OTOF: variants seen among roughly 807,000 people sequenced by gnomAD.
OTOF encodes the protein otoferlin, also known as fer-1-like family member 2.
Under a neutral mutation model 236.8 loss-of-function variants are expected in OTOF, and 218 were observed. The observed-to-expected ratio is 0.92, with a 90% CI of 0.82 to 1.03. The LOEUF (loss-of-function observed/expected upper bound fraction) is 1.03, where lower values mean the gene tolerates loss of function less well. Ranked by LOEUF, OTOF falls within the 50% of genes least tolerant of loss-of-function variation. The probability of loss-of-function intolerance (pLI) is 0.00; values close to 1 mark genes in which losing one functional copy is unlikely to be tolerated. For missense variants in OTOF, 2,590 were observed against 2,694.4 expected (o/e 0.96, Z 0.86); for synonymous variants, 1,041 against 1,072.5 (o/e 0.97, Z 0.57).
At chr2:26,545,571 T>C (rs997026663) in intron 1 of OTOF, among the ~76,000 whole-genome samples, 1 of 152,174 alleles carries the variant, frequency 6.6e-6, no homozygotes, top group Non-Finnish European at 1.5e-5. Context: ...TTTAGTGAAA[T>C]TTATTTCTTA....
rs200972155 is a variant in OTOF at position 26,558,540 on chromosome 2, G to A, written c.32C>T (p.Ser11Leu). The A allele has an allele frequency of 4.1e-5, 66 of 1,614,012 alleles. No homozygotes were observed. In the African/African-American group the frequency reaches 6.7e-4, roughly 16 times the overall value. The change falls in exon 1 of 47, where the codon TCG (serine) becomes TTG (leucine). Residue 11 changes from serine to leucine, a missense_variant. By Grantham distance (145) the Ser-to-Leu change is moderately radical. This residue lies in a region of OTOF where 1,379 missense variants were observed against 1,341.6 expected (regional missense o/e 1.03). Coordinates refer to ENST00000272371, the MANE Select transcript of OTOF (RefSeq NM_194248.3). MALLIHLKTV[S>L]ELRGRGDRIA... ...CCGGTCGCCCCTGCCCCGCAGCTCC[G>A]AGACTGTCTTGAGGTGGATGAGCAA...
Position 26,461,878 on chromosome 2 carries a change from G to A in OTOF, c.5351C>T (p.Thr1784Ile), listed in dbSNP as rs771213407. 13 of 1,614,064 alleles carry A rather than the reference G, an allele frequency of 8.1e-6. No individual in the cohort carries two copies. The highest frequency in any genetic ancestry group is 5.0e-5 in the Admixed American group (3 of 60,004). ...QDTDVHYHSLTGEGNFNWRYL... is the reference protein window; with the variant it reads ...QDTDVHYHSLIGEGNFNWRYL... ...GCGCCAGTTGAAGTTGCCCTCGCCAGTGAGGGAGTGGTAGTGGACGTCTGT... is the reference window on the plus strand; with the variant it reads ...GCGCCAGTTGAAGTTGCCCTCGCCAATGAGGGAGTGGTAGTGGACGTCTGT... Residue 1784 changes from threonine to isoleucine, a missense_variant, in exon 43 of 47, where the codon ACT (threonine) becomes ATT (isoleucine). Physicochemically the swap from Thr to Ile is moderately conservative, Grantham distance 89 (BLOSUM62 -1). Around this residue, in one of 2 missense-constraint regions of OTOF, gnomAD observed 1,211 missense variants for 1,352.8 expected, o/e 0.90. Transcript: ENST00000272371. The surrounding 1 kb of genome is among the most constrained non-coding windows in gnomAD (Gnocchi z 6.2).
chr2:26,493,636 C>T (rs962268060), intron 9 of OTOF, among the ~76,000 whole-genome samples: 8 of 152,198 alleles, frequency 5.3e-5, no homozygotes, highest in Admixed American at 2.0e-4. Flanking sequence ...AACCACACGG[C>T]TCATGCACCT....
Position 26,460,267 on chromosome 2 carries a change from C to G in OTOF, c.5814-62G>C, listed in dbSNP as rs893297121. ...AGGGAGGAGAAGGGATTGGGTGTGG[C>G]GAGGGGCCAAGACCAAGAGGGAAGC... On this transcript the variant is annotated intron_variant, in intron 45 of 46. Coordinates refer to ENST00000272371, the MANE Select transcript of OTOF (RefSeq NM_194248.3). The surrounding 1 kb of genome is among the most constrained non-coding windows in gnomAD (Gnocchi z 5.3). The G allele has an allele frequency of 1.5e-6, 2 of 1,378,772 alleles. No homozygotes were observed. Among genetic ancestry groups the G allele is most frequent in the Non-Finnish European group, 2.0e-6 (2 of 988,980 alleles). The allele number at this position is 1,378,772 out of a possible 1,614,324, so 85.4% of individuals were successfully genotyped here.
Position 26,460,926 on chromosome 2 carries a change from T to C in OTOF, c.5638A>G (p.Ile1880Val), listed in dbSNP as rs764317152. ...TGEVDVPLVS[I>V]FKQKRVKGWW... ...CCTTTGACGCGCTTTTGCTTGAAGATGGACACGAGGGGCACGTCCACCTCC... is the reference window on the plus strand; with the variant it reads ...CCTTTGACGCGCTTTTGCTTGAAGACGGACACGAGGGGCACGTCCACCTCC... Residue 1880 changes from isoleucine to valine, a missense_variant, in exon 44 of 47, where the codon ATC (isoleucine) becomes GTC (valine). By Grantham distance (29) the Ile-to-Val change is conservative (BLOSUM62 3). Coordinates refer to ENST00000272371, the MANE Select transcript of OTOF (RefSeq NM_194248.3). This position sits in a 1 kb window ranked among gnomAD's most constrained non-coding sequence, Gnocchi z 5.3. 1.2e-6 allele frequency: 2 copies of C among 1,614,114 alleles called. No individual in the cohort carries two copies. Among genetic ancestry groups the C allele is most frequent in the Non-Finnish European group, 1.7e-6 (2 of 1,180,002 alleles).
chr2:26,492,003 C>T (rs1665860992), intron 9 of OTOF, among the ~76,000 whole-genome samples: 1 of 152,226 alleles, frequency 6.6e-6, no homozygotes. Context: ...AGGAAGGTTC[C>T]TACCAGCTCA....
At chr2:26,557,802 T>C (rs1019812784) in intron 1 of OTOF, among the ~76,000 whole-genome samples, 3 of 151,340 alleles carry the variant, frequency 2.0e-5, no homozygotes, top group African/African-American at 7.3e-5. Context: ...CTCACATACC[T>C]GTCCTGCTTG....
At chr2:26,534,225 A>G (rs1180230337) in intron 2 of OTOF, among the ~76,000 whole-genome samples, 1 of 152,204 alleles carries the variant, frequency 6.6e-6, no homozygotes, top group Non-Finnish European at 1.5e-5. Flanking sequence ...CTCAGTAAAT[A>G]GCAGCAGTTC....
chr2:26,553,669 C>T (rs1364317183), intron 1 of OTOF, among the ~76,000 whole-genome samples: 2 of 152,160 alleles, frequency 1.3e-5, no homozygotes, highest in Non-Finnish European at 2.9e-5. Context: ...GAACTAAGAC[C>T]CTTCGGTGGC....
chr2:26,481,472 G>A (rs1029236823), intron 14 of OTOF, among the ~76,000 whole-genome samples: 5 of 152,144 alleles, frequency 3.3e-5, no homozygotes, highest in Non-Finnish European at 5.9e-5. Flanking sequence ...CCAATTCCTA[G>A]GCACAAGTCC....
intron 25 of OTOF, 24 bp downstream of exon 25, chr2:26,475,335 C>T (rs753354723): frequency 3.7e-6 from 6 of 1,612,220 alleles, no homozygotes; most frequent in Non-Finnish European, 4.2e-6. Flanking sequence ...TGCTGGGGTC[C>T]CTGGCACCAG....
chr2:26,542,973 C>G (rs1047989152), intron 1 of OTOF, among the ~76,000 whole-genome samples: 1 of 152,216 alleles, frequency 6.6e-6, no homozygotes, highest in Non-Finnish European at 1.5e-5. Context: ...CTGCTGGTGA[C>G]TCAGACCTGG....
At chr2:26,545,040 C>A (rs1321822319) in intron 1 of OTOF, among the ~76,000 whole-genome samples, 9 of 136,480 alleles carry the variant, frequency 6.6e-5, no homozygotes, top group African/African-American at 2.0e-4. Flanking sequence ...GATGCCATCC[C>A]AAAAAAAAAA....
At position 26,467,192 on chromosome 2, in the gene OTOF, C is replaced by T. The variant is rs762556724; in HGVS notation, c.4269G>A (p.Glu1423=). The T allele has an allele frequency of 6.2e-7, 1 of 1,614,022 alleles. No individual in the cohort carries two copies. Among genetic ancestry groups the T allele is most frequent in the Non-Finnish European group, 8.5e-7 (1 of 1,180,018 alleles). The change falls in exon 35 of 47, where the codon GAG becomes GAA. Residue 1423 remains glutamate (E), a synonymous_variant. Transcript: ENST00000272371. ...KELESEFDNF[E]DWLHTFNLLR... is the part of the protein sequence containing the mutation. ...GCAAGTTGAAAGTGTGCAGCCAGTCCTCAAAGTTATCAAACTCGGACTCCA... is the reference window on the plus strand; with the variant it reads ...GCAAGTTGAAAGTGTGCAGCCAGTCTTCAAAGTTATCAAACTCGGACTCCA...
chr2:26,530,624 G>A (rs958318652), intron 2 of OTOF, among the ~76,000 whole-genome samples: 1 of 151,962 alleles, frequency 6.6e-6, no homozygotes, highest in Non-Finnish European at 1.5e-5. Flanking sequence ...CCCACACGAG[G>A]CTTTCCCCTC....
chr2:26,526,872 AAAGAG>A (rs1250052795), intron 3 of OTOF, among the ~76,000 whole-genome samples: 1 of 152,020 alleles, frequency 6.6e-6, no homozygotes. Context: ...ATTTTTTTTT[AAAGAG>A]ATGGGATCTC....
rs1477685567 is a variant in OTOF, at chr2:26,473,946, C to G, written c.3408+45G>C. The G allele has an allele frequency of 2.5e-6, 4 of 1,611,912 alleles. No homozygotes were observed. In the African/African-American group the frequency reaches 5.3e-5, roughly 22 times the overall value. ...CAAGCCACTTCCCCTCCTGGGTCCT[C>G]AGACTCCTCATCCAAAAGGGAAGGG... On this transcript the variant is annotated intron_variant, in intron 27 of 46. Transcript: ENST00000272371. This position sits in a 1 kb window ranked among gnomAD's most constrained non-coding sequence, Gnocchi z 7.2.
rs1166021616 is a variant in OTOF at position 26,503,844 on chromosome 2, C to A, written c.511G>T (p.Ala171Ser). ...RPPGEKSFRR[A>S]GRSVFSAMKL... ...ATGGCGGAGAACACGCTCCTCCCGG[C>A]TCTGTGAGGGGGGCCACCAGAATGA... Residue 171 changes from alanine (A) to serine (S), a missense_variant and splice_region_variant, in exon 6 of 47, where the codon GCC (alanine) becomes TCC (serine). Physicochemically the swap from Ala to Ser is moderately conservative, Grantham distance 99. Transcript: ENST00000272371. 9.3e-6 allele frequency: 15 copies of A among 1,614,056 alleles called. No homozygotes were observed. The highest frequency in any genetic ancestry group is 1.3e-5 in the Non-Finnish European group (15 of 1,179,880).
intron 3 of OTOF, 90 bp downstream of exon 3, chr2:26,527,742 T>C: frequency 1.0e-6 from 1 of 975,232 alleles, no homozygotes; most frequent in South Asian, 1.3e-5. Context: ...TAGGTCCCCT[T>C]TTTAAGCCCC....
Sources: gnomAD v4.1 joint callset for allele counts (sites outside exome capture counted in the v4.1 genomes callset) on GRCh38, gnomAD v4.1.1 for gene constraint, gnomAD v4.1.1 regional missense constraint, Gnocchi (gnomAD v3.1) non-coding constraint, MANE v1.5 for transcripts, NCBI Gene and HGNC (gene_info 2026-07-23, HGNC 2026-07-21) for gene names.